ARID1B: variants seen among roughly 807,000 people sequenced by gnomAD.
ARID1B encodes AT-rich interaction domain 1B.
A neutral mutation model predicts 212.3 loss-of-function variants in ARID1B; 30 were observed. The ratio of observed to expected loss-of-function variants is 0.14; its 90% confidence interval spans 0.11 to 0.19. The LOEUF is 0.19. ARID1B is among the 10% of genes least tolerant of loss of function. The pLI, the probability that ARID1B is intolerant of heterozygous loss-of-function variation, is 1.00. For missense variants in ARID1B, 2,891 were observed against 3,204.0 expected, an observed-to-expected ratio of 0.90 and a Z score of 2.36; for synonymous variants, 1,402 against 1,301.7, an observed-to-expected ratio of 1.08 and a Z score of -1.66.
intron 7 of ARID1B, among the ~76,000 whole-genome samples, chr6:157,134,455 G>A (rs1227774589): frequency 6.6e-6 from 1 of 152,264 alleles, no homozygotes; most frequent in East Asian, 1.9e-4. Context: ...GCAAACGTCT[G>A]TATAGAGCCT....
chr6:157,182,837 G>A (rs1164414517), intron 12 of ARID1B, among the ~76,000 whole-genome samples: 1 of 152,002 alleles, frequency 6.6e-6, no homozygotes, highest in Non-Finnish European at 1.5e-5. Context: ...TCTGCACCTG[G>A]GCTCCTTTGC....
intron 2 of ARID1B, among the ~76,000 whole-genome samples, chr6:156,890,138 T>C (rs1787810454): frequency 6.6e-6 from 1 of 152,198 alleles, no homozygotes; most frequent in Non-Finnish European, 1.5e-5. Context: ...ATTGAGGTCA[T>C]GAGAGGCACT....
At chr6:156,937,491 G>T (rs1792340479) in intron 4 of ARID1B, 1 of 152,152 alleles carries the variant, frequency 6.6e-6, no homozygotes, top group Non-Finnish European at 1.5e-5. Flanking sequence ...ATAGTTTGTG[G>T]TAAACTGCTT....
In ARID1B at chr6:156,872,692, A is replaced by G. The variant is rs577353026; in HGVS notation, c.1987-28684A>G. On this transcript the variant is annotated intron_variant, in intron 2 of 19. Coordinates refer to ENST00000636930, the MANE Select transcript of ARID1B (RefSeq NM_001374828.1). ...AAGCTTTCTTTAATAATTTCTATTC[A>G]GTAGGACAGAGCCTTCCAGGGACCA... Among the ~76,000 whole-genome samples, 28 of 152,242 alleles carry G rather than the reference A, an allele frequency of 1.8e-4. 1 individual carries two copies. The South Asian group carries it at 5.8e-3, about 32-fold the overall frequency.
At chr6:156,881,058 A>C (rs934672347) in intron 2 of ARID1B, among the ~76,000 whole-genome samples, 2 of 152,194 alleles carry the variant, frequency 1.3e-5, no homozygotes, top group Non-Finnish European at 2.9e-5. Context: ...ATGCACTGAC[A>C]GTGACAGCGT....
intron 1 of ARID1B, among the ~76,000 whole-genome samples, chr6:156,804,285 G>C (rs1780995444): frequency 1.3e-5 from 2 of 150,988 alleles, no homozygotes; most frequent in South Asian, 4.2e-4. Flanking sequence ...GCAGTGAACT[G>C]AGATTGCACC....
At chr6:156,881,408 A>T (rs933728704) in intron 2 of ARID1B, among the ~76,000 whole-genome samples, 1 of 152,044 alleles carries the variant, frequency 6.6e-6, no homozygotes, top group Non-Finnish European at 1.5e-5. Flanking sequence ...TGGAAAATAG[A>T]CTCCTGCTTA....
intron 8 of ARID1B, 118 bp from the exon 9 acceptor site, chr6:157,166,922 A>G: frequency 7.3e-7 from 1 of 1,373,362 alleles, no homozygotes; most frequent in Admixed American, 2.4e-5. Context: ...TTTTACACAA[A>G]CATGAAAAGT....
intron 1 of ARID1B, among the ~76,000 whole-genome samples, chr6:156,827,243 C>G (rs1782802993): frequency 6.6e-6 from 1 of 152,180 alleles, no homozygotes; most frequent in South Asian, 2.1e-4. Flanking sequence ...CTCAAGTTTC[C>G]TATGTAAACC....
intron 2 of ARID1B, among the ~76,000 whole-genome samples, chr6:156,884,444 A>G (rs114353779): frequency 5.3e-5 from 8 of 152,150 alleles, no homozygotes; most frequent in African/African-American, 1.9e-4. Flanking sequence ...GGTCTTCTCT[A>G]TTTCATGCAG....
chr6:156,843,563 G>C (rs1784041165), intron 2 of ARID1B, among the ~76,000 whole-genome samples: 1 of 152,098 alleles, frequency 6.6e-6, no homozygotes, highest in African/African-American at 2.4e-5. Context: ...TAACACCGAG[G>C]GGCACACCTG....
chr6:156,865,421 G>A (rs892563440), intron 2 of ARID1B, among the ~76,000 whole-genome samples: 4 of 152,150 alleles, frequency 2.6e-5, no homozygotes, highest in Non-Finnish European at 5.9e-5. Context: ...CACCAGTCTT[G>A]CTGTTGTGAA....
intron 8 of ARID1B, among the ~76,000 whole-genome samples, chr6:157,157,730 A>G (rs906926147): frequency 6.6e-5 from 10 of 152,216 alleles, no homozygotes; most frequent in Non-Finnish European, 1.3e-4. Context: ...ATAGATTTAA[A>G]AAACCAAACA....
intron 8 of ARID1B, among the ~76,000 whole-genome samples, chr6:157,154,527 A>G (rs1306631462): frequency 6.7e-6 from 1 of 149,294 alleles, no homozygotes; most frequent in African/African-American, 2.5e-5. Flanking sequence ...AGTCAGGAGC[A>G]GGGTCCTTGT....
intron 3 of ARID1B, among the ~76,000 whole-genome samples, chr6:156,908,044 C>T (rs897493582): frequency 6.6e-6 from 1 of 151,592 alleles, no homozygotes; most frequent in Non-Finnish European, 1.5e-5. Context: ...TTTATCTTTA[C>T]CTTTTGTCTT....
intron 4 of ARID1B, among the ~76,000 whole-genome samples, chr6:157,035,741 C>T (rs567706479): frequency 1.3e-5 from 2 of 152,188 alleles, no homozygotes; most frequent in African/African-American, 4.8e-5. Context: ...TTTTGCTTTC[C>T]GCACCAGGCT....
chr6:156,900,485 T>C (rs532446018), intron 2 of ARID1B, among the ~76,000 whole-genome samples: 1 of 152,202 alleles, frequency 6.6e-6, no homozygotes, highest in East Asian at 1.9e-4. Flanking sequence ...GTTCTTGAAG[T>C]TCTCCAGTGG....
chr6:157,075,396 T>A (rs1784239314), intron 4 of ARID1B, among the ~76,000 whole-genome samples: 1 of 152,242 alleles, frequency 6.6e-6, no homozygotes, highest in Non-Finnish European at 1.5e-5. Context: ...AAAAATGATT[T>A]TAATGAAAAT....
chr6:157,154,999 C>T (rs553772659), intron 8 of ARID1B, among the ~76,000 whole-genome samples: 5 of 152,222 alleles, frequency 3.3e-5, no homozygotes, highest in Admixed American at 1.3e-4. Context: ...CAAATAGTAA[C>T]GAGTATCTTC....
Sources: gnomAD v4.1 joint callset for allele counts (sites outside exome capture counted in the v4.1 genomes callset) on GRCh38, gnomAD v4.1.1 for gene constraint, MANE v1.5 for transcripts, NCBI Gene and HGNC (gene_info 2026-07-23, HGNC 2026-07-21) for gene names.